GRB14: variants seen among roughly 807,000 people sequenced by gnomAD.
GRB14 encodes growth factor receptor-bound protein 14.
A neutral mutation model predicts 69.1 loss-of-function variants in GRB14; 38 were observed. The observed-to-expected ratio is 0.55, with a 90% CI of 0.42 to 0.72. The LOEUF (loss-of-function observed/expected upper bound fraction) is 0.72, where lower values mean the gene tolerates loss of function less well. Among genes scored for constraint, GRB14 ranks in the 30% least tolerant of loss-of-function variants. The pLI is 0.00. For missense variants in GRB14, 666 were observed against 666.1 expected, an observed-to-expected ratio of 1.00 and a Z score of 0.00; for synonymous variants, 247 against 241.3, an observed-to-expected ratio of 1.02 and a Z score of -0.22.
At position 164,617,885 on chromosome 2, in the gene GRB14, C is replaced by T. The variant is rs546809715; in HGVS notation, c.324+1802G>A. On this transcript the variant is annotated intron_variant, in intron 2 of 13. Coordinates refer to ENST00000263915, the MANE Select transcript of GRB14 (RefSeq NM_004490.3). ...TTGGGAACTACCTATTAAATTCTTC[C>T]AGATGACCATTATGTCATCATCAGA... is the stretch of plus-strand genomic sequence containing the variant. 6.1e-5 allele frequency among the ~76,000 whole-genome samples: 9 copies of T among 147,902 alleles called. No individual in the cohort carries two copies. The South Asian group carries it at 1.9e-3, about 31-fold the overall frequency.
intron 2 of GRB14, among the ~76,000 whole-genome samples, chr2:164,612,286 A>G (rs1168779575): frequency 6.6e-6 from 1 of 152,240 alleles, no homozygotes; most frequent in Non-Finnish European, 1.5e-5. Context: ...TGGCCAATTT[A>G]TTAAAGATCT....
At chr2:164,545,810 G>T (rs1192030334) in intron 3 of GRB14, among the ~76,000 whole-genome samples, 1 of 152,152 alleles carries the variant, frequency 6.6e-6, no homozygotes, top group Non-Finnish European at 1.5e-5. Context: ...GGACAAAATT[G>T]TTGCCAAATC....
At chr2:164,494,282 T>C (rs994252284) in intron 13 of GRB14, 149 bp downstream of exon 13, 20 of 588,574 alleles carry the variant, frequency 3.4e-5, no homozygotes, top group Non-Finnish European at 1.8e-5. Context: ...CTGCCAAAGT[T>C]AACTCTAGTC....
intron 2 of GRB14, among the ~76,000 whole-genome samples, chr2:164,575,425 A>C (rs974992636): frequency 1.2e-4 from 19 of 152,194 alleles, no homozygotes; most frequent in Non-Finnish European, 2.2e-4. Context: ...CATGTATGTG[A>C]TTATGTTGCT....
At chr2:164,598,130 G>A (rs769399902) in intron 2 of GRB14, among the ~76,000 whole-genome samples, 3 of 151,992 alleles carry the variant, frequency 2.0e-5, no homozygotes, top group Non-Finnish European at 4.4e-5. Context: ...CAAGATATAC[G>A]GTGCTATCCT....
intron 2 of GRB14, among the ~76,000 whole-genome samples, chr2:164,561,677 G>C (rs955890340): frequency 9.2e-5 from 14 of 152,164 alleles, no homozygotes; most frequent in African/African-American, 3.4e-4. Flanking sequence ...TCCCACCTCT[G>C]TCATTTATGA....
chr2:164,583,848 T>C (rs1002888314), intron 2 of GRB14, among the ~76,000 whole-genome samples: 3 of 152,210 alleles, frequency 2.0e-5, no homozygotes, highest in East Asian at 1.9e-4. Context: ...TTCGATGAAA[T>C]TGGACTTTTC....
chr2:164,540,280 C>A (rs1029329605), intron 3 of GRB14, among the ~76,000 whole-genome samples: 6 of 152,152 alleles, frequency 3.9e-5, no homozygotes, highest in Non-Finnish European at 7.4e-5. Flanking sequence ...ACTCAAACAT[C>A]ACTCCGTCAG....
At chr2:164,565,510 A>G (rs1171623457) in intron 2 of GRB14, among the ~76,000 whole-genome samples, 1 of 152,162 alleles carries the variant, frequency 6.6e-6, no homozygotes, top group Non-Finnish European at 1.5e-5. Context: ...AAGTCACAAG[A>G]TCTAGATTCT....
In GRB14 at chr2:164,536,968, T is replaced by C. The variant is rs573959874; in HGVS notation, c.482-9833A>G. 9.9e-5 allele frequency among the ~76,000 whole-genome samples: 15 copies of C among 152,222 alleles called. No individual in the cohort carries two copies. The South Asian group carries it at 2.9e-3, about 29-fold the overall frequency. On this transcript the variant is annotated intron_variant, in intron 3 of 13. Transcript: ENST00000263915. ...TCTCTGCTGTTTTCAGGATTTGCAA[T>C]TGCCCAAGGGGTGTATGAGTACGGA...
intron 13 of GRB14, among the ~76,000 whole-genome samples, chr2:164,493,460 A>G (rs1224968383): frequency 6.6e-6 from 1 of 152,178 alleles, no homozygotes; most frequent in African/African-American, 2.4e-5. Flanking sequence ...TTTTGAATCA[A>G]TGAAAGAAAT....
chr2:164,506,506 T>C (rs1204356167), intron 8 of GRB14, among the ~76,000 whole-genome samples: 1 of 152,168 alleles, frequency 6.6e-6, no homozygotes, highest in African/African-American at 2.4e-5. Context: ...GCATTACTGG[T>C]AGGAATGCAA....
intron 6 of GRB14, among the ~76,000 whole-genome samples, chr2:164,515,437 G>A (rs1687456653): frequency 6.6e-6 from 1 of 152,126 alleles, no homozygotes; most frequent in Non-Finnish European, 1.5e-5. Flanking sequence ...GAGCTCCACT[G>A]GGTGGCTAGA....
chr2:164,599,961 A>G (rs552569955), intron 2 of GRB14, among the ~76,000 whole-genome samples: 55 of 152,362 alleles, frequency 3.6e-4, no homozygotes, highest in African/African-American at 1.2e-3. Flanking sequence ...ATTTGAATAC[A>G]TGTCTAAATT....
chr2:164,553,571 T>A (rs1470159791), intron 2 of GRB14, among the ~76,000 whole-genome samples: 1 of 152,240 alleles, frequency 6.6e-6, no homozygotes, highest in East Asian at 1.9e-4. Flanking sequence ...TAAATCTCTG[T>A]CATCTCTTAG....
At chr2:164,528,479 C>T (rs964343898) in intron 3 of GRB14, among the ~76,000 whole-genome samples, 9 of 152,070 alleles carry the variant, frequency 5.9e-5, no homozygotes, top group African/African-American at 2.2e-4. Context: ...TTGTGACCTA[C>T]AACACCCAAA....
At chr2:164,529,410 G>A (rs1687865325) in intron 3 of GRB14, among the ~76,000 whole-genome samples, 1 of 152,070 alleles carries the variant, frequency 6.6e-6, no homozygotes, top group South Asian at 2.1e-4. Context: ...ATTTCAAATG[G>A]TACCAAAAAA....
At chr2:164,587,213 C>CA (rs1574335548) in intron 2 of GRB14, among the ~76,000 whole-genome samples, 2 of 152,106 alleles carry the variant, frequency 1.3e-5, no homozygotes, top group Non-Finnish European at 2.9e-5. Flanking sequence ...CTTTCATTTG[C>CA]AAAACTGGAT....
intron 6 of GRB14, among the ~76,000 whole-genome samples, chr2:164,509,535 T>C (rs2105267750): frequency 6.6e-6 from 1 of 152,312 alleles, no homozygotes; most frequent in South Asian, 2.1e-4. Context: ...CACTAGGTCA[T>C]ATTATTCTGT....
Sources: allele counts gnomAD v4.1 joint callset (sites outside exome capture counted in the v4.1 genomes callset), GRCh38; gene constraint gnomAD v4.1.1; transcripts MANE v1.5; gene names NCBI Gene and HGNC (gene_info 2026-07-23, HGNC 2026-07-21).